Variants in FANCI observed in about 807,000 individuals in gnomAD.
FANCI encodes the protein Fanconi anemia group I protein.
FANCI carries 156 observed loss-of-function variants against 176.1 expected under a neutral mutation model. That is an observed-to-expected ratio of 0.89 (90% confidence interval 0.78 to 1.01). The LOEUF (loss-of-function observed/expected upper bound fraction) is 1.01. Among genes scored for constraint, FANCI ranks in the 50% least tolerant of loss-of-function variants. FANCI has a pLI of 0.00. For missense variants in FANCI, 1,678 were observed against 1,534.1 expected, an observed-to-expected ratio of 1.09 and a Z score of -1.57; for synonymous variants, 613 against 541.7, an observed-to-expected ratio of 1.13 and a Z score of -1.83.
chr15:89,264,626 A>G lies in FANCI; in HGVS notation c.755+19A>G. The G allele has an allele frequency of 1.9e-6, 3 of 1,595,854 alleles. No individual in the cohort carries two copies. The highest frequency in any genetic ancestry group is 2.6e-6 in the Non-Finnish European group (3 of 1,164,258). ...GTGACGAGTGAGTAATATAGTGTAG[A>G]AATAAAGATCATTTTTACAAATTCA... is the stretch of plus-strand genomic sequence containing the variant. On this transcript the variant is annotated intron_variant, in intron 9 of 37. Coordinates refer to ENST00000310775, the MANE Select transcript of FANCI (RefSeq NM_001113378.2).
At chr15:89,309,430 A>G (rs2054865369) in intron 34 of FANCI, among the ~76,000 whole-genome samples, 1 of 152,162 alleles carries the variant, frequency 6.6e-6, no homozygotes, top group Non-Finnish European at 1.5e-5. Flanking sequence ...CTCTCACCTT[A>G]GAGATTCGTG....
chr15:89,268,160 T>A (rs2053049570), intron 9 of FANCI, among the ~76,000 whole-genome samples: 1 of 152,170 alleles, frequency 6.6e-6, no homozygotes, highest in African/African-American at 2.4e-5. Flanking sequence ...AATGGCACAA[T>A]CTTGGCTCAC....
rs114755701 is a variant in FANCI at position 89,308,339 on chromosome 15, T to C, written c.3651+667T>C. 1,709 of 218,298 alleles carry C rather than the reference T, an allele frequency of 7.8e-3. 28 individuals carry two copies. The highest frequency in any genetic ancestry group is 0.038 in the African/African-American group (1,616 of 42,682). The allele number at this position is 218,298 out of a possible 1,614,324, so 13.5% of individuals were successfully genotyped here. A position where few individuals can be genotyped will look rare whatever the true frequency, so the allele number is the denominator to read the frequency against. ...TGTCTCCAGAAATTGCCAGTTGTCCTTAAGGGACAGAATCACCCCTCGTTG... is the reference window on the plus strand; with the variant it reads ...TGTCTCCAGAAATTGCCAGTTGTCCCTAAGGGACAGAATCACCCCTCGTTG... On this transcript the variant is annotated intron_variant, in intron 34 of 37. Transcript: ENST00000310775.
chr15:89,313,245 C>T (rs1409329133), intron 35 of FANCI, among the ~76,000 whole-genome samples: 3 of 151,884 alleles, frequency 2.0e-5, no homozygotes, highest in African/African-American at 7.3e-5. Context: ...GATGGTTGCA[C>T]AACTCTGCAA....
At chr15:89,270,925 C>G (rs1484251191) in intron 10 of FANCI, among the ~76,000 whole-genome samples, 1 of 152,102 alleles carries the variant, frequency 6.6e-6, no homozygotes, top group Non-Finnish European at 1.5e-5. Context: ...TATTTAAAGA[C>G]CATAATCTGA....
intron 2 of FANCI, among the ~76,000 whole-genome samples, chr15:89,251,757 G>A (rs1007011223): frequency 5.9e-5 from 9 of 152,140 alleles, no homozygotes; most frequent in African/African-American, 2.2e-4. Context: ...ATCAGAGAAA[G>A]CCTTTGACAA....
intron 10 of FANCI, among the ~76,000 whole-genome samples, chr15:89,272,729 G>T (rs1191628531): frequency 1.3e-5 from 2 of 151,892 alleles, no homozygotes; most frequent in African/African-American, 2.4e-5. Flanking sequence ...GGATGCAGTG[G>T]CGCAATCTGA....
intron 10 of FANCI, 54 bp from the exon 11 acceptor site, chr15:89,273,323 A>T: frequency 1.1e-6 from 1 of 926,766 alleles, no homozygotes; most frequent in Non-Finnish European, 1.7e-6. Flanking sequence ...AAAAAAAAAA[A>T]AAAGAAAAAA....
chr15:89,264,027 G>T lies in FANCI; in HGVS notation c.669+1G>T, dbSNP rs745324944. 1.2e-6 allele frequency: 2 copies of T among 1,613,962 alleles called. No individual in the cohort carries two copies. The highest frequency in any genetic ancestry group is 3.3e-5 in the Admixed American group (2 of 60,024). ...TCAGCTTCTGGTTCTCTCCTCCAAG[G>T]TACAAATGGAAAATTGTTTCTCCTT... On this transcript the variant is annotated splice_donor_variant, in intron 8 of 37. Coordinates refer to ENST00000310775, the MANE Select transcript of FANCI (RefSeq NM_001113378.2). LOFTEE classifies it high-confidence loss of function.
At chr15:89,285,610 GTC>G (rs1262605923) in intron 18 of FANCI, among the ~76,000 whole-genome samples, 3 of 152,114 alleles carry the variant, frequency 2.0e-5, no homozygotes, top group Admixed American at 6.5e-5. Context: ...GTGAGACCTT[GTC>G]TCTCAAAAAA....
intron 34 of FANCI, 71 bp from the exon 35 acceptor site, chr15:89,312,833 A>T (rs1334692122): frequency 7.8e-7 from 1 of 1,274,066 alleles, no homozygotes; most frequent in African/African-American, 1.5e-5. Flanking sequence ...AAAAAAAAAA[A>T]AATTAGCACT....
At chr15:89,257,970 T>C (rs1325247399) in intron 2 of FANCI, among the ~76,000 whole-genome samples, 2 of 152,232 alleles carry the variant, frequency 1.3e-5, no homozygotes, top group African/African-American at 2.4e-5. Flanking sequence ...CTAAACTTCC[T>C]ACCATGGCCT....
intron 35 of FANCI, among the ~76,000 whole-genome samples, chr15:89,313,930 G>A (rs1181243102): frequency 2.3e-5 from 3 of 129,678 alleles, no homozygotes; most frequent in African/African-American, 6.0e-5. Flanking sequence ...CACACACGTA[G>A]GACCTACAAA....
rs1567155288 is a variant in FANCI, at chr15:89,278,719, G to GC, written c.1327dup (p.Gln443ProfsTer38). ...AGATGATCAGACAAGAAATTTTGGA[G>GC]CAGGTCCTCAACAGGGTTGTTACCA... On this transcript the variant is annotated frameshift_variant, in exon 14 of 38. Coordinates refer to ENST00000310775, the MANE Select transcript of FANCI (RefSeq NM_001113378.2). LOFTEE classifies it high-confidence loss of function. 6.2e-7 allele frequency: 1 copy of GC among 1,613,940 alleles called. No individual in the cohort carries two copies. The highest frequency in any genetic ancestry group is 1.7e-5 in the Admixed American group (1 of 60,018).
intron 2 of FANCI, among the ~76,000 whole-genome samples, chr15:89,251,492 T>C (rs573374364): frequency 3.1e-4 from 47 of 152,288 alleles, no homozygotes; most frequent in Non-Finnish European, 6.3e-4. Flanking sequence ...ATTAAACAAA[T>C]ATAACATTGA....
chr15:89,316,944 T>C lies in FANCI; in HGVS notation c.*485T>C, dbSNP rs182928822. 32 of 785,762 alleles carry C rather than the reference T, an allele frequency of 4.1e-5. No individual in the cohort carries two copies. Among genetic ancestry groups the C allele is most frequent in the East Asian group, 3.0e-4 (12 of 39,942 alleles). 48.7% of individuals were successfully genotyped at this position (785,762 alleles called of 1,614,324 possible). On this transcript the variant is annotated 3_prime_UTR_variant, in exon 38 of 38. Transcript: ENST00000310775. Reference sequence around the variant, plus strand: ...AAGGAGAGTGAAAGGTTGAGAACAATTGCCACGAACGGTAATGTTACATGT... The same window carrying C: ...AAGGAGAGTGAAAGGTTGAGAACAACTGCCACGAACGGTAATGTTACATGT...
intron 2 of FANCI, among the ~76,000 whole-genome samples, chr15:89,256,820 A>C (rs1036456209): frequency 3.3e-5 from 5 of 152,184 alleles, no homozygotes; most frequent in South Asian, 2.1e-4. Context: ...CTTAATCCCA[A>C]ATTTTCAGCA....
chr15:89,315,178 G>C (rs997345519), intron 36 of FANCI, 104 bp from the exon 37 acceptor site: 2 of 848,640 alleles, frequency 2.4e-6, no homozygotes, highest in East Asian at 2.4e-5. Context: ...GCTTGCTTTA[G>C]GTAGAAATGG....
chr15:89,313,404 C>T (rs554303631), intron 35 of FANCI, among the ~76,000 whole-genome samples: 1 of 152,264 alleles, frequency 6.6e-6, no homozygotes. Flanking sequence ...TATTTTTCCT[C>T]TGAACCAAAA....
Sources: gnomAD v4.1 joint callset for allele counts (sites outside exome capture counted in the v4.1 genomes callset) on GRCh38, gnomAD v4.1.1 for gene constraint, MANE v1.5 for transcripts, NCBI Gene and HGNC (gene_info 2026-07-23, HGNC 2026-07-21) for gene names.